The following CD96 variants were observed in gnomAD, a reference collection of about 807,000 sequenced individuals.
CD96 encodes T-cell surface protein tactile.
In CD96, 70 loss-of-function variants were observed where a neutral mutation model predicts 71.3. That is an observed-to-expected ratio of 0.98 (90% CI 0.81 to 1.20). The LOEUF is 1.20. CD96 is among the 50% of genes most tolerant of loss of function. The probability of loss-of-function intolerance (pLI) is 0.00; values close to 1 mark genes in which losing one functional copy is unlikely to be tolerated. For synonymous variants in CD96, 248 were observed against 233.0 expected, an observed-to-expected ratio of 1.06 and a Z score of -0.59; for missense variants, 742 against 677.5, an observed-to-expected ratio of 1.10 and a Z score of -1.06.
In CD96 at chr3:111,600,883, C is replaced by T. The variant is rs747096786; in HGVS notation, c.1056C>T (p.Asn352=). 2 of 1,612,634 alleles carry T rather than the reference C, an allele frequency of 1.2e-6. No homozygotes were observed. Among genetic ancestry groups the T allele is most frequent in the Non-Finnish European group, 1.7e-6 (2 of 1,178,730 alleles). The part of the protein sequence containing the change: ...LSPVPGNKVW[N]ISSEKITFLL... Reference sequence around the variant, plus strand: ...CAGTCCCAGGAAATAAAGTGTGGAACATCTCATCAGAAAAGATCACTTTTC... The same window carrying T: ...CAGTCCCAGGAAATAAAGTGTGGAATATCTCATCAGAAAAGATCACTTTTC... Residue 352 remains asparagine (N), a synonymous_variant, in exon 7 of 14, where the codon AAC becomes AAT. Coordinates refer to ENST00000352690, the MANE Select transcript of CD96 (RefSeq NM_005816.5).
rs185255745 is a variant in CD96, at chr3:111,662,821, C to T, written c.*53-2706C>T. 3.5e-3 allele frequency among the ~76,000 whole-genome samples: 528 copies of T among 152,348 alleles called. 10 individuals carry two copies. The highest frequency in any genetic ancestry group is 7.9e-4 in the Non-Finnish European group (54 of 68,038). ...TTCTAGGAAGTTCCAAACTTTCCCT[C>T]ATCTTCCTGCCTTCTTCTGATCCCT... On this transcript the variant is annotated intron_variant and NMD_transcript_variant, in intron 14 of 14. Transcript: ENST00000494798.
At chr3:111,593,831 G>T in intron 5 of CD96, 3 of 1,614,068 alleles carry the variant, frequency 1.9e-6, no homozygotes, top group South Asian at 2.2e-5. Flanking sequence ...GTGGGGCCTT[G>T]GATCCTGGCG....
chr3:111,542,440 C>A, intron 1 of CD96, 131 bp downstream of exon 1: 1 of 427,466 alleles, frequency 2.3e-6, no homozygotes, highest in Non-Finnish European at 4.6e-6. Flanking sequence ...CTAAGGGTTT[C>A]AGTTATGTAT....
At chr3:111,590,696 T>C (rs1192963329) in intron 5 of CD96, among the ~76,000 whole-genome samples, 3 of 152,208 alleles carry the variant, frequency 2.0e-5, no homozygotes, top group African/African-American at 4.8e-5. Flanking sequence ...GAAAAGAGTC[T>C]TTAACCTAAA....
chr3:111,570,625 G>T (rs370696267), intron 3 of CD96: 5 of 1,591,122 alleles, frequency 3.1e-6, no homozygotes, highest in African/African-American at 2.7e-5. Context: ...GACACCAGGC[G>T]CATGGCAGCT....
intron 10 of CD96, among the ~76,000 whole-genome samples, chr3:111,636,462 T>C (rs1019909122): frequency 2.6e-5 from 4 of 152,246 alleles, no homozygotes; most frequent in Non-Finnish European, 5.9e-5. Context: ...ATTACTATAG[T>C]TATTTTACTT....
chr3:111,576,025 G>A (rs1047817700), intron 3 of CD96, among the ~76,000 whole-genome samples: 2 of 152,172 alleles, frequency 1.3e-5, no homozygotes, highest in Non-Finnish European at 2.9e-5. Context: ...ATAGCAGGTT[G>A]ATCATAGGCT....
chr3:111,549,023 G>A (rs1934559190), intron 2 of CD96, among the ~76,000 whole-genome samples: 1 of 152,158 alleles, frequency 6.6e-6, no homozygotes, highest in Non-Finnish European at 1.5e-5. Context: ...ATATCAAATT[G>A]CAACAGTGAG....
chr3:111,556,147 T>G (rs969069153), intron 2 of CD96, among the ~76,000 whole-genome samples: 1 of 152,308 alleles, frequency 6.6e-6, no homozygotes, highest in African/African-American at 2.4e-5. Context: ...TAACATTTCC[T>G]ATTTATTGAG....
intron 8 of CD96, among the ~76,000 whole-genome samples, chr3:111,620,632 C>T (rs753947314): frequency 2.0e-5 from 3 of 152,058 alleles, no homozygotes; most frequent in Non-Finnish European, 2.9e-5. Context: ...CCAATAGGAG[C>T]GAAATAACTT....
intron 10 of CD96, among the ~76,000 whole-genome samples, chr3:111,625,501 A>G (rs1938708165): frequency 6.6e-6 from 1 of 152,202 alleles, no homozygotes; most frequent in East Asian, 1.9e-4. Context: ...TCTATCAAAG[A>G]TGGTGTGGCA....
intron 12 of CD96, among the ~76,000 whole-genome samples, chr3:111,639,345 GT>G (rs1939487194): frequency 6.6e-6 from 1 of 151,860 alleles, no homozygotes; most frequent in Admixed American, 6.6e-5. Context: ...GGTGAGGCCT[GT>G]GACTGCCGGC....
intron 8 of CD96, 40 bp downstream of exon 8, chr3:111,606,832 C>A: frequency 8.8e-7 from 1 of 1,138,740 alleles, no homozygotes; most frequent in Non-Finnish European, 1.3e-6. Flanking sequence ...TTTAACCAAG[C>A]AGATTGATAA....
At chr3:111,663,555 G>T (rs1940406440) in intron 14 of CD96, among the ~76,000 whole-genome samples, 1 of 151,954 alleles carries the variant, frequency 6.6e-6, no homozygotes, top group South Asian at 2.1e-4. Context: ...ATGGACAAAG[G>T]ATATGAACAG....
chr3:111,601,030 A>G, intron 7 of CD96, 116 bp downstream of exon 7: 1 of 664,534 alleles, frequency 1.5e-6, no homozygotes, highest in Non-Finnish European at 2.6e-6. Flanking sequence ...AAAACTTTTT[A>G]TGTAACTCAA....
intron 5 of CD96, among the ~76,000 whole-genome samples, chr3:111,590,236 G>A (rs1184654436): frequency 6.6e-6 from 1 of 152,144 alleles, no homozygotes; most frequent in African/African-American, 2.4e-5. Context: ...GTAAATGAGG[G>A]CAATGGCTCC....
intron 5 of CD96, among the ~76,000 whole-genome samples, chr3:111,590,558 G>T (rs1207263614): frequency 6.6e-6 from 1 of 152,214 alleles, no homozygotes; most frequent in Non-Finnish European, 1.5e-5. Flanking sequence ...TGCCCCTCAG[G>T]CATGGACATG....
chr3:111,565,312 T>C (rs1208251442), intron 2 of CD96, among the ~76,000 whole-genome samples: 3 of 152,006 alleles, frequency 2.0e-5, no homozygotes, highest in Admixed American at 6.5e-5. Flanking sequence ...GTAGATATGA[T>C]CTATGTATTT....
At chr3:111,562,131 C>A (rs919167317) in intron 2 of CD96, among the ~76,000 whole-genome samples, 1 of 152,224 alleles carries the variant, frequency 6.6e-6, no homozygotes, top group African/African-American at 2.4e-5. Context: ...TGAGATGAAC[C>A]CAGTACCTCA....
Sources: allele counts gnomAD v4.1 joint callset (sites outside exome capture counted in the v4.1 genomes callset), GRCh38; gene constraint gnomAD v4.1.1; transcripts MANE v1.5; gene names NCBI Gene and HGNC (gene_info 2026-07-23, HGNC 2026-07-21).